Variants in LRCH1 observed in about 807,000 individuals in gnomAD.
The protein encoded by LRCH1 is leucine-rich repeat and calponin homology domain-containing protein 1.
Under a neutral mutation model 94.9 loss-of-function variants are expected in LRCH1, and 23 were observed. The observed-to-expected ratio is 0.24, with a 90% CI of 0.17 to 0.34. The LOEUF (loss-of-function observed/expected upper bound fraction) is 0.34, where lower values mean the gene tolerates loss of function less well. Ranked by LOEUF, LRCH1 falls within the 10% of genes least tolerant of loss-of-function variation. LRCH1 has a pLI of 1.00. For synonymous variants in LRCH1, 364 were observed against 354.9 expected (o/e 1.03, Z -0.29); for missense variants, 790 against 945.9 (o/e 0.84, Z 2.16).
chr13:46,620,284 G>A (rs930513364), intron 1 of LRCH1, among the ~76,000 whole-genome samples: 1 of 151,746 alleles, frequency 6.6e-6, no homozygotes, highest in African/African-American at 2.4e-5. Flanking sequence ...AGGATCACTC[G>A]AGCCGAGGAG....
intron 1 of LRCH1, among the ~76,000 whole-genome samples, chr13:46,559,112 G>A (rs2050102423): frequency 1.3e-5 from 2 of 152,178 alleles, no homozygotes; most frequent in Admixed American, 1.3e-4. Flanking sequence ...GGAATTCACA[G>A]AAGACTTGAT....
intron 1 of LRCH1, among the ~76,000 whole-genome samples, chr13:46,576,310 G>C (rs1209924165): frequency 6.6e-6 from 1 of 152,156 alleles, no homozygotes; most frequent in Non-Finnish European, 1.5e-5. Context: ...AGAATGTCTT[G>C]TTCTAATTTT....
chr13:46,643,826 A>G (rs761682764), intron 1 of LRCH1, among the ~76,000 whole-genome samples: 47 of 152,364 alleles, frequency 3.1e-4, no homozygotes, highest in Non-Finnish European at 5.7e-4. Context: ...TAATATAATC[A>G]GCAATTCGAG....
intron 2 of LRCH1, among the ~76,000 whole-genome samples, chr13:46,657,500 CTTTTTTTTTTTTTTTTTTTTTTTTTT>C (rs67588975): frequency 7.9e-4 from 9 of 11,394 alleles, no homozygotes; most frequent in East Asian, 3.4e-3. Flanking sequence ...CTTTTCTTTT[CTTTTTTTTTTTTTTTTTTTTTTTTTT>C]TTTTTTTTTT....
intron 1 of LRCH1, among the ~76,000 whole-genome samples, chr13:46,628,136 G>A (rs529231595): frequency 7.9e-5 from 12 of 152,152 alleles, no homozygotes; most frequent in Admixed American, 2.6e-4. Context: ...TAAAACAGGA[G>A]CACAGTTCAG....
At chr13:46,663,022 T>C (rs1358109732) in intron 2 of LRCH1, among the ~76,000 whole-genome samples, 1 of 152,198 alleles carries the variant, frequency 6.6e-6, no homozygotes, top group East Asian at 1.9e-4. Flanking sequence ...CAGATTCAAT[T>C]CAAATGATGA....
At chr13:46,586,981 T>G (rs2137953764) in intron 1 of LRCH1, among the ~76,000 whole-genome samples, 1 of 152,354 alleles carries the variant, frequency 6.6e-6, no homozygotes, top group Middle Eastern at 3.4e-3. Flanking sequence ...GAAAAGGAGT[T>G]GGCCGTTAAA....
chr13:46,590,134 C>T (rs1165812434), intron 1 of LRCH1, among the ~76,000 whole-genome samples: 1 of 152,078 alleles, frequency 6.6e-6, no homozygotes, highest in African/African-American at 2.4e-5. Flanking sequence ...GTGTCATCTT[C>T]GCAGAGTGAT....
chr13:46,747,128 A>G (rs1011601717), downstream of LRCH1, among the ~76,000 whole-genome samples: 5 of 152,072 alleles, frequency 3.3e-5, no homozygotes, highest in Non-Finnish European at 7.4e-5. Flanking sequence ...GTATCTTTTT[A>G]TGTCTTCTGT....
intron 1 of LRCH1, among the ~76,000 whole-genome samples, chr13:46,630,680 T>C (rs534413316): frequency 6.6e-6 from 1 of 152,360 alleles, no homozygotes; most frequent in South Asian, 2.1e-4. Flanking sequence ...ATGTAAATTA[T>C]ACTGAGCCTT....
At chr13:46,571,359 C>A (rs1158129529) in intron 1 of LRCH1, among the ~76,000 whole-genome samples, 1 of 152,174 alleles carries the variant, frequency 6.6e-6, no homozygotes, top group Non-Finnish European at 1.5e-5. Flanking sequence ...GAACAGTTGT[C>A]AGTGGTATTC....
In LRCH1 at chr13:46,705,059, A is replaced by G. The variant is rs748162330; in HGVS notation, c.1401-9A>G. ...ACGTTTACTAATATCTTTTTTTCCT[A>G]CTCTTTAGATTAAGCACAGATATTA... On this transcript the variant is annotated splice_polypyrimidine_tract_variant and intron_variant, in intron 11 of 19. Transcript: ENST00000389797. 4.9e-6 allele frequency: 7 copies of G among 1,439,788 alleles called. No homozygotes were observed. The highest frequency in any genetic ancestry group is 6.7e-6 in the Non-Finnish European group (7 of 1,041,888). 89.2% of individuals were successfully genotyped at this position (1,439,788 alleles called of 1,614,324 possible). A position where few individuals can be genotyped will look rare whatever the true frequency, so the allele number is the denominator to read the frequency against.
chr13:46,658,231 A>G (rs2051401499), intron 2 of LRCH1, among the ~76,000 whole-genome samples: 1 of 152,138 alleles, frequency 6.6e-6, no homozygotes, highest in Non-Finnish European at 1.5e-5. Context: ...CTTTTTCTTT[A>G]TCCACTTTTA....
chr13:46,631,823 G>C (rs2051020899), intron 1 of LRCH1, among the ~76,000 whole-genome samples: 1 of 152,110 alleles, frequency 6.6e-6, no homozygotes, highest in South Asian at 2.1e-4. Flanking sequence ...AGCTGTGTTA[G>C]AGGTCAAATT....
intron 19 of LRCH1, among the ~76,000 whole-genome samples, 186 bp from the exon 20 acceptor site, chr13:46,741,456 T>G (rs1271548724): frequency 6.6e-6 from 1 of 152,188 alleles, no homozygotes; most frequent in Non-Finnish European, 1.5e-5. Flanking sequence ...AAATAGGTAT[T>G]CTATTCTACT....
intron 16 of LRCH1, among the ~76,000 whole-genome samples, chr13:46,721,599 G>A (rs1872584102): frequency 6.6e-6 from 1 of 152,040 alleles, no homozygotes. Context: ...ACTGACCTTG[G>A]CTTTACTTTT....
At chr13:46,669,001 C>G (rs1566212731) in intron 2 of LRCH1, 29 bp from the exon 3 acceptor site, 1 of 1,613,136 alleles carries the variant, frequency 6.2e-7, no homozygotes, top group Non-Finnish European at 8.5e-7. Context: ...TTTCTGTTTA[C>G]ATGTGTTCTT....
intron 16 of LRCH1, among the ~76,000 whole-genome samples, chr13:46,720,355 C>A (rs935156282): frequency 2.6e-5 from 4 of 152,176 alleles, no homozygotes; most frequent in African/African-American, 9.7e-5. Flanking sequence ...CCATTGCACT[C>A]CAGCCTGGGC....
intron 4 of LRCH1, among the ~76,000 whole-genome samples, chr13:46,684,352 A>G (rs751667163): frequency 2.0e-5 from 3 of 151,856 alleles, no homozygotes; most frequent in African/African-American, 4.8e-5. Flanking sequence ...TATGATGGCA[A>G]TTGTGTCCCA....
Sources: allele counts gnomAD v4.1 joint callset (sites outside exome capture counted in the v4.1 genomes callset), GRCh38; gene constraint gnomAD v4.1.1; transcripts MANE v1.5; gene names NCBI Gene and HGNC (gene_info 2026-07-23, HGNC 2026-07-21).